RAPGEF4: variants seen among roughly 807,000 people sequenced by gnomAD.
RAPGEF4 encodes RAP guanine-nucleotide-exchange factor (GEF) 4.
Under a neutral mutation model 147.9 loss-of-function variants are expected in RAPGEF4, and 66 were observed. The observed-to-expected ratio is 0.45, with a 90% CI of 0.37 to 0.55. The LOEUF (loss-of-function observed/expected upper bound fraction) is 0.55. Among genes scored for constraint, RAPGEF4 ranks in the 20% least tolerant of loss-of-function variants. The probability of loss-of-function intolerance (pLI) is 0.00; values close to 1 mark genes in which losing one functional copy is unlikely to be tolerated. For synonymous variants in RAPGEF4, 419 were observed against 442.7 expected, an observed-to-expected ratio of 0.95 and a Z score of 0.67; for missense variants, 1,071 against 1,257.3, an observed-to-expected ratio of 0.85 and a Z score of 2.24.
At chr2:172,815,357 C>A (rs3820852) in intron 4 of RAPGEF4, among the ~76,000 whole-genome samples, 12,232 of 152,280 alleles carry the variant, frequency 0.08, 642 homozygotes, top group East Asian at 0.23. Context: ...CCTTAAAAGT[C>A]ATGCAAAGCC....
chr2:172,756,996 A>G (rs1574717605), intron 1 of RAPGEF4, among the ~76,000 whole-genome samples: 1 of 152,326 alleles, frequency 6.6e-6, no homozygotes, highest in East Asian at 1.9e-4. Context: ...GCCAACTGAG[A>G]ATTTTCTATA....
At chr2:172,970,168 T>TAC (rs1451357403) in intron 10 of RAPGEF4, among the ~76,000 whole-genome samples, 5 of 144,238 alleles carry the variant, frequency 3.5e-5, no homozygotes, top group Non-Finnish European at 7.5e-5. Context: ...TACATGTACA[T>TAC]ACACACACAC....
At chr2:172,859,651 GA>G (rs1194218849) in intron 4 of RAPGEF4, among the ~76,000 whole-genome samples, 1 of 152,138 alleles carries the variant, frequency 6.6e-6, no homozygotes, top group Non-Finnish European at 1.5e-5. Flanking sequence ...AATATTGGTG[GA>G]AAAAGGAAGA....
chr2:172,906,879 C>T (rs1321974825), intron 4 of RAPGEF4, among the ~76,000 whole-genome samples: 1 of 152,258 alleles, frequency 6.6e-6, no homozygotes, highest in Non-Finnish European at 1.5e-5. Flanking sequence ...CAGAAAGTGA[C>T]ATGCCTCTAT....
intron 6 of RAPGEF4, among the ~76,000 whole-genome samples, chr2:172,931,580 A>G (rs537862432): frequency 6.6e-6 from 1 of 152,332 alleles, no homozygotes; most frequent in African/African-American, 2.4e-5. Context: ...GTAATTTGAT[A>G]GCCCAATCCC....
chr2:172,914,354 A>G (rs1351245636), intron 4 of RAPGEF4, among the ~76,000 whole-genome samples: 21 of 87,524 alleles, frequency 2.4e-4, no homozygotes, highest in East Asian at 1.2e-3. Flanking sequence ...TTTTTTTTGG[A>G]GACAGAGTTT....
intron 4 of RAPGEF4, among the ~76,000 whole-genome samples, chr2:172,866,065 A>C (rs1694606780): frequency 6.6e-6 from 1 of 152,058 alleles, no homozygotes; most frequent in Admixed American, 6.5e-5. Context: ...TTTCATCCCC[A>C]GTGGATCCTT....
At chr2:172,917,943 A>G in intron 5 of RAPGEF4, 69 bp downstream of exon 5, 1 of 1,301,482 alleles carries the variant, frequency 7.7e-7, no homozygotes. Flanking sequence ...ATGTGACAAA[A>G]AATATGTCCT....
chr2:172,796,933 T>C (rs1201927185), intron 2 of RAPGEF4, among the ~76,000 whole-genome samples: 1 of 152,230 alleles, frequency 6.6e-6, no homozygotes, highest in Non-Finnish European at 1.5e-5. Context: ...TTGGTCTTAA[T>C]ATGATATGGG....
rs1335967256 is a variant in RAPGEF4, at chr2:172,948,512, T to C, written c.538-12248T>C. Among the ~76,000 whole-genome samples the C allele has an allele frequency of 2.0e-5, 3 of 152,146 alleles. 1 individual carries two copies. Among genetic ancestry groups the C allele is most frequent in the Non-Finnish European group, 1.5e-5 (1 of 68,026 alleles). On this transcript the variant is annotated intron_variant, in intron 6 of 30. Transcript: ENST00000397081. ...AGAGGAAGTCAAGATGGTGGAGAAGTATGTTTTCAGGATCCAAGACAGTCT... is the reference window on the plus strand; with the variant it reads ...AGAGGAAGTCAAGATGGTGGAGAAGCATGTTTTCAGGATCCAAGACAGTCT...
intron 23 of RAPGEF4, among the ~76,000 whole-genome samples, chr2:173,024,187 T>A (rs1696404707): frequency 6.6e-6 from 1 of 151,960 alleles, no homozygotes; most frequent in Admixed American, 6.6e-5. Context: ...TTCTGTGTAT[T>A]TGCATTGCTA....
intron 1 of RAPGEF4, among the ~76,000 whole-genome samples, chr2:172,767,974 C>A (rs1697005312): frequency 6.6e-6 from 1 of 152,046 alleles, no homozygotes; most frequent in African/African-American, 2.4e-5. Flanking sequence ...CCGTGCCCAG[C>A]TCATTTTTTT....
At chr2:172,909,695 C>T (rs549921129) in intron 4 of RAPGEF4, among the ~76,000 whole-genome samples, 2 of 152,242 alleles carry the variant, frequency 1.3e-5, no homozygotes, top group South Asian at 2.1e-4. Context: ...CTTATATGTG[C>T]GGGCCTTATT....
chr2:172,828,032 G>T lies in RAPGEF4; in HGVS notation c.444+13607G>T, dbSNP rs1417820110. Among the ~76,000 whole-genome samples the T allele has an allele frequency of 3.3e-5, 5 of 152,056 alleles. No individual in the cohort carries two copies. The South Asian group carries it at 1.0e-3, about 32-fold the overall frequency. Reference sequence around the variant, plus strand: ...ACCTCAGTCATATCTGCAAGCATTAGTCAAGCATTCACTAAATGCCAGTTA... The same window carrying T: ...ACCTCAGTCATATCTGCAAGCATTATTCAAGCATTCACTAAATGCCAGTTA... On this transcript the variant is annotated intron_variant, in intron 4 of 30. Coordinates refer to ENST00000397081, the MANE Select transcript of RAPGEF4 (RefSeq NM_007023.4).
chr2:172,955,517 G>A (rs1575361798), intron 6 of RAPGEF4, among the ~76,000 whole-genome samples: 1 of 152,110 alleles, frequency 6.6e-6, no homozygotes, highest in South Asian at 2.1e-4. Context: ...CCTGCCTCGC[G>A]GTTTTAGGAT....
At chr2:173,004,709 G>A (rs1237567280) in intron 17 of RAPGEF4, among the ~76,000 whole-genome samples, 1 of 151,884 alleles carries the variant, frequency 6.6e-6, no homozygotes, top group Admixed American at 6.6e-5. Context: ...ACCACAAAAG[G>A]AGAAGAGAGC....
intron 30 of RAPGEF4, among the ~76,000 whole-genome samples, chr2:173,050,398 G>C (rs1025550891): frequency 6.6e-6 from 1 of 152,166 alleles, no homozygotes; most frequent in Non-Finnish European, 1.5e-5. Flanking sequence ...CAGGGGGCAG[G>C]GGCATGTATG....
chr2:172,884,748 T>C (rs1366853678), intron 4 of RAPGEF4, among the ~76,000 whole-genome samples: 1 of 152,234 alleles, frequency 6.6e-6, no homozygotes, highest in African/African-American at 2.4e-5. Flanking sequence ...ATTTTGAACA[T>C]GGTCCCTGTG....
chr2:172,780,145 A>T (rs1684546228), intron 1 of RAPGEF4, among the ~76,000 whole-genome samples: 1 of 152,176 alleles, frequency 6.6e-6, no homozygotes, highest in African/African-American at 2.4e-5. Flanking sequence ...GGGCCCCTGT[A>T]GCAAAAGATT....
Sources: gnomAD v4.1 joint callset for allele counts (sites outside exome capture counted in the v4.1 genomes callset) on GRCh38, gnomAD v4.1.1 for gene constraint, MANE v1.5 for transcripts, NCBI Gene and HGNC (gene_info 2026-07-23, HGNC 2026-07-21) for gene names.